FGD4: variants seen among roughly 807,000 people sequenced by gnomAD.
FGD4 encodes FYVE, RhoGEF and PH domain containing 4.
A neutral mutation model predicts 102.0 loss-of-function variants in FGD4; 42 were observed. That is an observed-to-expected ratio of 0.41 (90% CI 0.32 to 0.53). The LOEUF (loss-of-function observed/expected upper bound fraction) is 0.53, where lower values mean the gene tolerates loss of function less well. Ranked by LOEUF, FGD4 falls within the 20% of genes least tolerant of loss-of-function variation. The probability of loss-of-function intolerance (pLI) is 0.21; values close to 1 mark genes in which losing one functional copy is unlikely to be tolerated. For synonymous variants in FGD4, 380 were observed against 375.7 expected (o/e 1.01, Z -0.13); for missense variants, 902 against 1,078.2 (o/e 0.84, Z 2.29).
chr12:32,448,658 C>CAAA (rs112621517), intron 1 of FGD4, among the ~76,000 whole-genome samples: 5,009 of 85,434 alleles, frequency 0.059, 131 homozygotes, highest in Middle Eastern at 0.22. Flanking sequence ...AACTCCATCG[C>CAAA]AAAAAAAAAA....
intron 1 of FGD4, chr12:32,486,073 G>A: frequency 6.6e-7 from 1 of 1,514,054 alleles, no homozygotes; most frequent in Non-Finnish European, 8.8e-7. Context: ...CCAAATCCTT[G>A]CTCCAGAAGC....
At chr12:32,448,120 C>T (rs1296591033) in intron 1 of FGD4, among the ~76,000 whole-genome samples, 1 of 152,222 alleles carries the variant, frequency 6.6e-6, no homozygotes, top group Admixed American at 6.5e-5. Flanking sequence ...TAACCATGGC[C>T]TCTTGGATGC....
At chr12:32,580,277 A>T (rs1946497607) in intron 3 of FGD4, among the ~76,000 whole-genome samples, 2 of 152,166 alleles carry the variant, frequency 1.3e-5, no homozygotes, top group South Asian at 4.1e-4. Flanking sequence ...GTGAGGATGA[A>T]ACAAGGTAAT....
At chr12:32,614,114 C>T (rs1592410660) in intron 10 of FGD4, among the ~76,000 whole-genome samples, 2 of 152,256 alleles carry the variant, frequency 1.3e-5, no homozygotes, top group Admixed American at 6.5e-5. Flanking sequence ...GTAGCCAATA[C>T]CACAGACATC....
chr12:32,441,712 G>A (rs1942441010), intron 1 of FGD4, among the ~76,000 whole-genome samples: 1 of 152,064 alleles, frequency 6.6e-6, no homozygotes, highest in South Asian at 2.1e-4. Context: ...TCTGGGCCTA[G>A]TTCAGCCCTA....
chr12:32,600,164 C>T (rs188589840), intron 5 of FGD4, among the ~76,000 whole-genome samples: 2 of 152,302 alleles, frequency 1.3e-5, no homozygotes, highest in East Asian at 3.9e-4. Flanking sequence ...AAGCCAAAAT[C>T]AAATGATATG....
intron 1 of FGD4, among the ~76,000 whole-genome samples, chr12:32,493,621 A>G (rs1458840008): frequency 2.6e-5 from 4 of 152,198 alleles, no homozygotes; most frequent in Non-Finnish European, 5.9e-5. Context: ...CGTTATCTTC[A>G]TGCCTAGCCG....
intron 1 of FGD4, among the ~76,000 whole-genome samples, chr12:32,434,584 T>C (rs557134656): frequency 7.1e-4 from 108 of 152,364 alleles, no homozygotes; most frequent in African/African-American, 2.1e-3. Flanking sequence ...CTCAGGAAGG[T>C]TATTTCCTTC....
intron 1 of FGD4, among the ~76,000 whole-genome samples, chr12:32,531,830 C>A: frequency 6.6e-6 from 1 of 152,208 alleles, no homozygotes; most frequent in East Asian, 1.9e-4. Flanking sequence ...TGATGAGAAA[C>A]TGCTATTGCT....
chr12:32,560,337 A>G (rs930732745), intron 1 of FGD4, among the ~76,000 whole-genome samples: 1 of 152,150 alleles, frequency 6.6e-6, no homozygotes, highest in Non-Finnish European at 1.5e-5. Context: ...CTGTGGCCTC[A>G]AACTCCCAGG....
chr12:32,483,541 C>G (rs1415396158), intron 1 of FGD4, among the ~76,000 whole-genome samples: 2 of 152,154 alleles, frequency 1.3e-5, no homozygotes, highest in Non-Finnish European at 2.9e-5. Context: ...AAAAAGAGGT[C>G]AAGAACAAAG....
intron 1 of FGD4, among the ~76,000 whole-genome samples, chr12:32,432,999 T>A (rs2470382): frequency 6.6e-6 from 1 of 151,610 alleles, no homozygotes; most frequent in South Asian, 2.1e-4. Flanking sequence ...GAATAAGATT[T>A]TTTTTTTTTT....
chr12:32,502,239 T>C lies in FGD4; in HGVS notation c.167-61898T>C, dbSNP rs528912231. 8.9e-5 allele frequency: 88 copies of C among 985,444 alleles called. No homozygotes were observed. In the African/African-American group the frequency reaches 1.5e-3, roughly 17 times the overall value. 61.0% of individuals were successfully genotyped at this position (985,444 alleles called of 1,614,324 possible). A position where few individuals can be genotyped will look rare whatever the true frequency, so the allele number is the denominator to read the frequency against. ...GATTATCTGCAATGGACCGGGTTAA[T>C]GGGAGGCTTGCTTTGGCTCGCTGGA... On this transcript the variant is annotated intron_variant, in intron 1 of 16. Coordinates refer to ENST00000534526, the MANE Select transcript of FGD4 (RefSeq NM_001370298.3).
At chr12:32,600,592 C>CTTTTTTTTTTTTTTTTTTTTTTTTTTTT (rs1181093585) in intron 5 of FGD4, 1 of 194,828 alleles carries the variant, frequency 5.1e-6, no homozygotes, top group African/African-American at 3.5e-5. Context: ...TTCTTTCTTT[C>CTTTTTTTTTTTTTTTTTTTTTTTTTTTT]TTTTTTTTTT....
At chr12:32,545,416 G>A (rs2136156454) in intron 1 of FGD4, among the ~76,000 whole-genome samples, 1 of 152,240 alleles carries the variant, frequency 6.6e-6, no homozygotes, top group South Asian at 2.1e-4. Flanking sequence ...TTGTTGCCTT[G>A]ATTATTTAGG....
At chr12:32,600,223 T>A (rs1948284016) in intron 5 of FGD4, among the ~76,000 whole-genome samples, 1 of 152,250 alleles carries the variant, frequency 6.6e-6, no homozygotes, top group South Asian at 2.1e-4. Context: ...ATTACAGACC[T>A]GAAATTTTAG....
intron 1 of FGD4, chr12:32,534,566 C>A: frequency 1.1e-6 from 1 of 938,224 alleles, no homozygotes. Context: ...TATAACACTG[C>A]ATGCCGAGGG....
chr12:32,478,080 T>C (rs1943626885), intron 1 of FGD4, among the ~76,000 whole-genome samples: 1 of 152,256 alleles, frequency 6.6e-6, no homozygotes, highest in African/African-American at 2.4e-5. Flanking sequence ...CAACAGTGAT[T>C]CAACAGAGTT....
chr12:32,575,181 C>G (rs1447480856), intron 2 of FGD4, among the ~76,000 whole-genome samples: 2 of 152,230 alleles, frequency 1.3e-5, no homozygotes, highest in East Asian at 3.9e-4. Context: ...TGCAGGCCAA[C>G]CATCTTAAGC....
Sources: allele counts gnomAD v4.1 joint callset (sites outside exome capture counted in the v4.1 genomes callset), GRCh38; gene constraint gnomAD v4.1.1; transcripts MANE v1.5; gene names NCBI Gene and HGNC (gene_info 2026-07-23, HGNC 2026-07-21).